Variants in SLC35F3 observed in about 807,000 individuals in gnomAD.
SLC35F3 encodes the protein solute carrier family 35 member F3.
In SLC35F3, 25 loss-of-function variants were observed where a neutral mutation model predicts 49.9. That is an observed-to-expected ratio of 0.50 (90% confidence interval 0.37 to 0.70). The LOEUF is 0.70. Among genes scored for constraint, SLC35F3 ranks in the 30% least tolerant of loss-of-function variants. SLC35F3 has a pLI of 0.00. For synonymous variants in SLC35F3, 275 were observed against 265.4 expected (o/e 1.04, Z -0.35); for missense variants, 525 against 639.8 (o/e 0.82, Z 1.94).
intron 3 of SLC35F3, chr1:234,274,564 C>T (rs1010086035): frequency 6.6e-6 from 1 of 152,218 alleles, no homozygotes; most frequent in East Asian, 1.9e-4. Flanking sequence ...AGAGGAATGT[C>T]TGTGAGTGAG....
intron 2 of SLC35F3, among the ~76,000 whole-genome samples, chr1:234,049,249 T>C (rs1326686763): frequency 1.3e-5 from 2 of 152,086 alleles, no homozygotes; most frequent in Non-Finnish European, 2.9e-5. Context: ...TGTAAATAAT[T>C]AAGGTTAAAT....
rs181546726 is a variant in SLC35F3, at chr1:233,945,379, T to A, written c.283+39621T>A. 4.6e-5 allele frequency among the ~76,000 whole-genome samples: 7 copies of A among 152,272 alleles called. No individual in the cohort carries two copies. In the East Asian group the frequency reaches 1.4e-3, roughly 29 times the overall value. On this transcript the variant is annotated intron_variant, in intron 2 of 7. Coordinates refer to ENST00000366618, the MANE Select transcript of SLC35F3 (RefSeq NM_173508.4). ...AATTCAGCAACATTATAACAATAAG[T>A]GTACTTCTTTTCAGAGGATTTTTAA...
At chr1:233,999,784 A>G (rs577211731) in intron 2 of SLC35F3, among the ~76,000 whole-genome samples, 2 of 152,070 alleles carry the variant, frequency 1.3e-5, no homozygotes, top group African/African-American at 2.4e-5. Context: ...ATTTGCATTA[A>G]TTTCCTTTCT....
chr1:234,059,725 C>T (rs1000464829), intron 2 of SLC35F3, among the ~76,000 whole-genome samples: 16 of 152,110 alleles, frequency 1.1e-4, no homozygotes, highest in African/African-American at 3.9e-4. Context: ...TACATGATCA[C>T]AAGATCCCAC....
intron 2 of SLC35F3, among the ~76,000 whole-genome samples, chr1:234,162,619 A>G (rs1242283872): frequency 6.6e-6 from 1 of 151,862 alleles, no homozygotes; most frequent in Non-Finnish European, 1.5e-5. Context: ...CTCACATACC[A>G]AAGCCCAGCA....
intron 3 of SLC35F3, among the ~76,000 whole-genome samples, chr1:234,281,970 C>T (rs976713638): frequency 3.3e-5 from 5 of 152,020 alleles, no homozygotes; most frequent in African/African-American, 1.2e-4. Flanking sequence ...GGCTGAGGCT[C>T]GGCTTAAGCG....
intron 2 of SLC35F3, among the ~76,000 whole-genome samples, chr1:234,076,335 T>TGCCTCA (rs71170453): frequency 0.65 from 98,383 of 150,860 alleles, 33,605 homozygotes; most frequent in Non-Finnish European, 0.77. Flanking sequence ...TGGTGGCTCA[T>TGCCTCA]GCCTGTAATC....
intron 2 of SLC35F3, among the ~76,000 whole-genome samples, chr1:234,177,405 A>G (rs952007807): frequency 1.3e-5 from 2 of 152,244 alleles, no homozygotes; most frequent in Non-Finnish European, 2.9e-5. Flanking sequence ...AGCACCTCCA[A>G]GCCACCTGGA....
At chr1:233,948,228 GGA>G (rs150190453) in intron 2 of SLC35F3, among the ~76,000 whole-genome samples, 301 of 107,520 alleles carry the variant, frequency 2.8e-3, no homozygotes, top group African/African-American at 9.6e-3. Context: ...AGGGAGAGAG[GGA>G]GAGAGAGAGA....
intron 2 of SLC35F3, among the ~76,000 whole-genome samples, chr1:233,974,040 A>G (rs1663035534): frequency 6.6e-6 from 1 of 152,156 alleles, no homozygotes; most frequent in Non-Finnish European, 1.5e-5. Flanking sequence ...ATGACTTGGT[A>G]CGTTTGCTTA....
At chr1:234,203,367 C>A (rs1381168046) in intron 2 of SLC35F3, among the ~76,000 whole-genome samples, 2 of 152,262 alleles carry the variant, frequency 1.3e-5, no homozygotes, top group East Asian at 3.9e-4. Flanking sequence ...CTCATTTGTA[C>A]CTGTTTACAA....
chr1:233,964,580 G>T, intron 2 of SLC35F3, among the ~76,000 whole-genome samples: 1 of 152,242 alleles, frequency 6.6e-6, no homozygotes, highest in East Asian at 1.9e-4. Context: ...GCGAATCAGG[G>T]TGTTAAGACT....
Position 233,967,253 on chromosome 1 carries a change from C to T in SLC35F3, c.283+61495C>T, listed in dbSNP as rs970429172. On this transcript the variant is annotated intron_variant, in intron 2 of 7. Coordinates refer to ENST00000366618, the MANE Select transcript of SLC35F3 (RefSeq NM_173508.4). ...TTCAATGAAAAATGCAAGCCCCCCC[C>T]ACCCCAAACATGTGTTTGAAGTTTT... Among the ~76,000 whole-genome samples, 7 of 152,182 alleles carry T rather than the reference C, an allele frequency of 4.6e-5. No homozygotes were observed. The East Asian group carries it at 9.7e-4, about 21-fold the overall frequency.
chr1:234,323,274 C>G lies in SLC35F3; in HGVS notation c.*31C>G, dbSNP rs1657676123. The G allele has an allele frequency of 1.9e-6, 3 of 1,588,134 alleles. No individual in the cohort carries two copies. The highest frequency in any genetic ancestry group is 2.6e-6 in the Non-Finnish European group (3 of 1,164,078). On this transcript the variant is annotated 3_prime_UTR_variant, in exon 8 of 8. Coordinates refer to ENST00000366618, the MANE Select transcript of SLC35F3 (RefSeq NM_173508.4). This position sits in a 1 kb window ranked among gnomAD's most constrained non-coding sequence, Gnocchi z 4.5. ...CTCCTCTAGAACTCGGTGGTAATGA[C>G]TGGGAGGTCTATTCCTGCCGGGAGG... is the stretch of plus-strand genomic sequence containing the variant.
At chr1:234,055,804 A>G (rs1284902553) in intron 2 of SLC35F3, among the ~76,000 whole-genome samples, 1 of 152,144 alleles carries the variant, frequency 6.6e-6, no homozygotes, top group African/African-American at 2.4e-5. Flanking sequence ...TTTGTTTTTG[A>G]TAGAGATTTT....
intron 3 of SLC35F3, among the ~76,000 whole-genome samples, chr1:234,267,514 C>T (rs1413175825): frequency 1.3e-5 from 2 of 148,688 alleles, no homozygotes; most frequent in East Asian, 4.0e-4. Context: ...GGGGCTGACC[C>T]CCCCACCTCC....
chr1:234,235,280 T>A (rs1667446779), intron 3 of SLC35F3, among the ~76,000 whole-genome samples: 1 of 152,186 alleles, frequency 6.6e-6, no homozygotes, highest in African/African-American at 2.4e-5. Flanking sequence ...ACCCTTATCT[T>A]CACTGTTTCT....
intron 2 of SLC35F3, among the ~76,000 whole-genome samples, chr1:233,933,042 A>AAAAAAC (rs1424756287): frequency 2.0e-5 from 3 of 151,450 alleles, no homozygotes; most frequent in African/African-American, 7.3e-5. Flanking sequence ...AAGTAAAAAA[A>AAAAAAC]AAAAAAAAAA....
At chr1:233,948,228 G>GGAGAGGGA (rs1662547226) in intron 2 of SLC35F3, among the ~76,000 whole-genome samples, 1 of 107,620 alleles carries the variant, frequency 9.3e-6, no homozygotes, top group South Asian at 3.4e-4. Context: ...AGGGAGAGAG[G>GGAGAGGGA]GAGAGAGAGA....
Sources: allele counts gnomAD v4.1 joint callset (sites outside exome capture counted in the v4.1 genomes callset), GRCh38; gene constraint gnomAD v4.1.1; non-coding constraint Gnocchi (gnomAD v3.1); transcripts MANE v1.5; gene names NCBI Gene and HGNC (gene_info 2026-07-23, HGNC 2026-07-21).